Variants in USH1C observed in about 807,000 individuals in gnomAD.
The protein encoded by USH1C is harmonin.
USH1C carries 90 observed loss-of-function variants against 119.3 expected under a neutral mutation model. The ratio of observed to expected loss-of-function variants is 0.75; its 90% CI spans 0.64 to 0.90. USH1C has a LOEUF of 0.90. USH1C is among the 40% of genes least tolerant of loss of function. The pLI is 0.00. For synonymous variants in USH1C, 465 were observed against 443.3 expected, an observed-to-expected ratio of 1.05 and a Z score of -0.62; for missense variants, 1,165 against 1,167.7, an observed-to-expected ratio of 1.00 and a Z score of 0.03.
At chr11:17,517,326 C>T in intron 14 of USH1C, 1 of 1,459,888 alleles carries the variant, frequency 6.8e-7, no homozygotes, top group East Asian at 2.5e-5. Flanking sequence ...AGCTGGGTGT[C>T]TGCACTGCGG....
intron 12 of USH1C, 57 bp from the exon 13 acceptor site, chr11:17,521,468 C>A: frequency 2.6e-6 from 4 of 1,553,920 alleles, no homozygotes; most frequent in Non-Finnish European, 3.6e-6. Context: ...ATGAACTCTT[C>A]CTTACTGTGA....
intron 1 of USH1C, among the ~76,000 whole-genome samples, chr11:17,540,969 C>T (rs1316618518): frequency 1.3e-5 from 2 of 152,218 alleles, no homozygotes; most frequent in Non-Finnish European, 2.9e-5. Flanking sequence ...TCACCATTCT[C>T]CACTCACGAT....
intron 14 of USH1C, chr11:17,517,335 G>A (rs574545670): frequency 4.1e-5 from 62 of 1,495,028 alleles, no homozygotes; most frequent in South Asian, 1.6e-4. Context: ...TCTGCACTGC[G>A]GTCAGGAGGA....
chr11:17,538,945 C>T (rs1262377342), intron 1 of USH1C, among the ~76,000 whole-genome samples: 1 of 152,188 alleles, frequency 6.6e-6, no homozygotes, highest in Non-Finnish European at 1.5e-5. Flanking sequence ...CCTCCTGCAT[C>T]TGGCCCCAGG....
chr11:17,543,941 G>A (rs1424766581), intron 1 of USH1C, among the ~76,000 whole-genome samples: 1 of 152,214 alleles, frequency 6.6e-6, no homozygotes, highest in Non-Finnish European at 1.5e-5. Context: ...GAAGGAGAGG[G>A]GCTTGCCCAC....
At chr11:17,495,875 A>C (rs1289838835) in intron 25 of USH1C, among the ~76,000 whole-genome samples, 198 bp from the exon 26 acceptor site, 1 of 150,476 alleles carries the variant, frequency 6.6e-6, no homozygotes, top group African/African-American at 2.4e-5. Context: ...GGGAGCAAGC[A>C]GGCCCAGCCA....
At chr11:17,523,532 C>T in intron 9 of USH1C, 54 bp from the exon 10 acceptor site, 1 of 1,589,064 alleles carries the variant, frequency 6.3e-7, no homozygotes, top group Non-Finnish European at 8.6e-7. Flanking sequence ...TACACTCGCT[C>T]ATCTGCAGGA....
At chr11:17,526,030 A>G (rs1228315115) in intron 8 of USH1C, among the ~76,000 whole-genome samples, 1 of 151,952 alleles carries the variant, frequency 6.6e-6, no homozygotes, top group African/African-American at 2.4e-5. Flanking sequence ...ACAAAACTCC[A>G]TCTCTACAAA....
intron 19 of USH1C, 143 bp downstream of exon 19, chr11:17,505,687 G>T: frequency 1.6e-6 from 2 of 1,253,436 alleles, no homozygotes; most frequent in Non-Finnish European, 2.2e-6. Flanking sequence ...CTCATCTCTT[G>T]GCCAATAAGA....
chr11:17,524,026 G>A (rs957383413), intron 9 of USH1C, among the ~76,000 whole-genome samples: 5 of 152,184 alleles, frequency 3.3e-5, no homozygotes, highest in African/African-American at 1.2e-4. Context: ...GGACCACCTA[G>A]GTTTGAATCC....
chr11:17,507,953 C>T (rs1028782552), intron 18 of USH1C, among the ~76,000 whole-genome samples: 2 of 152,184 alleles, frequency 1.3e-5, no homozygotes, highest in Non-Finnish European at 2.9e-5. Context: ...AGAAGCCTGC[C>T]TGGGCAGCAG....
chr11:17,538,918 C>T (rs1048193106), intron 1 of USH1C, among the ~76,000 whole-genome samples: 5 of 152,186 alleles, frequency 3.3e-5, no homozygotes, highest in Non-Finnish European at 7.4e-5. Context: ...CTCTACTGGC[C>T]CCTTCAGGGA....
chr11:17,511,971 C>T lies in USH1C; in HGVS notation c.1344G>A (p.Lys448=). ...GCATTTCCTCTTTCTCTTTGTAAAG[C>T]TTTTGCTCAAACTCCAGTTCTTTCT... ...KNKKELEFEQ[K]LYKEKEEMLE... Residue 448 remains lysine, a synonymous_variant, in exon 16 of 27, where the codon AAG becomes AAA. Coordinates refer to ENST00000005226, the MANE Select transcript of USH1C (RefSeq NM_153676.4). The T allele has an allele frequency of 1.2e-6, 2 of 1,614,228 alleles. No individual in the cohort carries two copies. The highest frequency in any genetic ancestry group is 8.5e-7 in the Non-Finnish European group (1 of 1,180,040).
At chr11:17,512,117 C>A in intron 15 of USH1C, 63 bp from the exon 16 acceptor site, 1 of 1,570,470 alleles carries the variant, frequency 6.4e-7, no homozygotes, top group Non-Finnish European at 8.7e-7. Flanking sequence ...GCACAGCACA[C>A]GGGGCATCCA....
At position 17,522,799 on chromosome 11, in the gene USH1C, T is replaced by G. The variant is rs1385393102; in HGVS notation, c.1004A>C (p.Gln335Pro). 1 of 1,614,026 alleles carries G rather than the reference T, an allele frequency of 6.2e-7. No homozygotes were observed. The highest frequency in any genetic ancestry group is 1.7e-5 in the Admixed American group (1 of 60,022). ...CTGCACTCACTGCCGCTCCATCTCC[T>G]GCTGCTCCTGGAGGATCTTGTTGGA... ...MESNKILQEQ[Q>P]EMERQRRKEI... Residue 335 changes from glutamine (Q) to proline (P), a missense_variant, in exon 12 of 27, where the codon CAG becomes CCG. Gln to Pro is a moderately conservative substitution (Grantham distance 76). Coordinates refer to ENST00000005226, the MANE Select transcript of USH1C (RefSeq NM_153676.4).
Position 17,512,054 on chromosome 11 carries a change from T to C in USH1C, c.1261A>G (p.Lys421Glu). 1 of 1,614,162 alleles carries C rather than the reference T, an allele frequency of 6.2e-7. No individual in the cohort carries two copies. The highest frequency in any genetic ancestry group is 8.5e-7 in the Non-Finnish European group (1 of 1,180,018). Residue 421 changes from lysine to glutamate, a missense_variant and splice_region_variant, in exon 16 of 27, where the codon AAA becomes GAA. By Grantham distance (56) the Lys-to-Glu change is moderately conservative. Transcript: ENST00000005226. ...YDGKFPTIRK[K>E]GKDKKKAKYG... ...TTGGCTTTCTTCTTATCTTTTCCTT[T>C]CTGAGTAGATGTGGCATTGTTTATA...
At position 17,495,472 on chromosome 11, in the gene USH1C, G is replaced by A. The variant is rs575174092; in HGVS notation, c.2655+97C>T. The A allele has an allele frequency of 1.6e-5, 20 of 1,285,882 alleles. No individual in the cohort carries two copies. The South Asian group carries it at 2.0e-4, about 13-fold the overall frequency. The allele number at this position is 1,285,882 out of a possible 1,614,324, so 79.7% of individuals were successfully genotyped here. A position where few individuals can be genotyped will look rare whatever the true frequency, so the allele number is the denominator to read the frequency against. On this transcript the variant is annotated intron_variant, in intron 26 of 26. Coordinates refer to ENST00000005226, the MANE Select transcript of USH1C (RefSeq NM_153676.4). Reference sequence around the variant, plus strand: ...GGGATGGCGCCTTGTGTACCCTCCAGACGCCAGTCCAAAGAACCTGCTGAC... The same window carrying A: ...GGGATGGCGCCTTGTGTACCCTCCAAACGCCAGTCCAAAGAACCTGCTGAC...
At position 17,531,159 on chromosome 11, in the gene USH1C, G is replaced by C; in HGVS notation, c.382C>G (p.Leu128Val). Residue 128 changes from leucine (L) to valine (V), a missense_variant, in exon 4 of 27, where the codon CTC (leucine) becomes GTC (valine). Transcript: ENST00000005226. This position sits in a 1 kb window ranked among gnomAD's most constrained non-coding sequence, Gnocchi z 4.2. The part of the protein sequence containing the change: ...IKGGQADSVG[L>V]QVGDEIVRIN... ...CCCGGACTCTGTTTGCTCACCTGGA[G>C]CCCGACGCTGTCTGCCTGACCGCCT... 1 of 1,614,094 alleles carries C rather than the reference G, an allele frequency of 6.2e-7. No homozygotes were observed. Among genetic ancestry groups the C allele is most frequent in the African/African-American group, 1.3e-5 (1 of 75,064 alleles).
At chr11:17,524,659 C>G in intron 8 of USH1C, 124 bp from the exon 9 acceptor site, 3 of 1,065,900 alleles carry the variant, frequency 2.8e-6, no homozygotes, top group Non-Finnish European at 4.2e-6. Context: ...CCTCTGTGTC[C>G]CTCTCCAGCC....
Sources: allele counts gnomAD v4.1 joint callset (sites outside exome capture counted in the v4.1 genomes callset), GRCh38; gene constraint gnomAD v4.1.1; non-coding constraint Gnocchi (gnomAD v3.1); transcripts MANE v1.5; gene names NCBI Gene and HGNC (gene_info 2026-07-23, HGNC 2026-07-21).